Variants in EPHB1 observed in about 807,000 individuals in gnomAD.
EPHB1 encodes the protein ephrin type-B receptor 1.
EPHB1 carries 30 observed loss-of-function variants against 94.4 expected under a neutral mutation model. That is an observed-to-expected ratio of 0.32 (90% CI 0.24 to 0.43). EPHB1 has a LOEUF of 0.43. Ranked by LOEUF, EPHB1 falls within the 20% of genes least tolerant of loss-of-function variation. The pLI, the probability that EPHB1 is intolerant of heterozygous loss-of-function variation, is 1.00. For missense variants in EPHB1, 1,055 were observed against 1,308.3 expected, an observed-to-expected ratio of 0.81 and a Z score of 2.99; for synonymous variants, 522 against 489.1, an observed-to-expected ratio of 1.07 and a Z score of -0.89.
At chr3:134,950,769 C>T (rs897551393) in intron 2 of EPHB1, among the ~76,000 whole-genome samples, 12 of 152,150 alleles carry the variant, frequency 7.9e-5, no homozygotes, top group Non-Finnish European at 1.6e-4. Flanking sequence ...CACATTTCAA[C>T]ATGAGATTCG....
At chr3:135,129,011 T>C (rs1283310845) in intron 4 of EPHB1, among the ~76,000 whole-genome samples, 1 of 152,164 alleles carries the variant, frequency 6.6e-6, no homozygotes. Context: ...TGTCTGTTTC[T>C]GCTCCTTGGA....
intron 4 of EPHB1, among the ~76,000 whole-genome samples, chr3:135,112,330 A>G (rs144960350): frequency 3.2e-4 from 49 of 152,320 alleles, no homozygotes; most frequent in African/African-American, 1.2e-3. Flanking sequence ...ACAGGAATCT[A>G]GTGTTGTAAA....
chr3:134,887,669 T>C (rs193285872), intron 1 of EPHB1, among the ~76,000 whole-genome samples: 2 of 152,194 alleles, frequency 1.3e-5, no homozygotes, highest in Middle Eastern at 3.2e-3. Flanking sequence ...GGAGTGATGA[T>C]AAAGGAAACT....
At chr3:135,102,854 T>C (rs1241330786) in intron 3 of EPHB1, among the ~76,000 whole-genome samples, 1 of 152,206 alleles carries the variant, frequency 6.6e-6, no homozygotes, top group African/African-American at 2.4e-5. Flanking sequence ...GAAACCATCA[T>C]TCTCAGCAAA....
chr3:134,804,852 G>C (rs1325770557), intron 1 of EPHB1, among the ~76,000 whole-genome samples: 1 of 152,190 alleles, frequency 6.6e-6, no homozygotes, highest in Non-Finnish European at 1.5e-5. Context: ...AAATCCCTCA[G>C]CATCCTAGTC....
rs1010407665 is a variant in EPHB1, at chr3:134,977,976, T to C, written c.805+25924T>C. ...TTTTTCTTTCCACAGTGTCCAGGCCTTTTTGGAGGATCCTTAGACAGCAGG... is the reference window on the plus strand; with the variant it reads ...TTTTTCTTTCCACAGTGTCCAGGCCCTTTTGGAGGATCCTTAGACAGCAGG... On this transcript the variant is annotated intron_variant, in intron 3 of 15. Transcript: ENST00000398015. The C allele has an allele frequency of 1.8e-5, 8 of 456,200 alleles. No individual in the cohort carries two copies. In the Admixed American group the frequency reaches 1.9e-4, roughly 11 times the overall value. The allele number at this position is 456,200 out of a possible 1,614,324, so 28.3% of individuals were successfully genotyped here.
At chr3:135,033,339 T>C (rs544903753) in intron 3 of EPHB1, among the ~76,000 whole-genome samples, 2 of 152,206 alleles carry the variant, frequency 1.3e-5, no homozygotes, top group Non-Finnish European at 2.9e-5. Flanking sequence ...TCAGCTCCTC[T>C]TGGGGGTCCA....
At chr3:135,200,890 G>A (rs1269123596) in intron 11 of EPHB1, among the ~76,000 whole-genome samples, 1 of 152,180 alleles carries the variant, frequency 6.6e-6, no homozygotes, top group Non-Finnish European at 1.5e-5. Context: ...GGAAAACAGA[G>A]GGAATAGCAC....
At chr3:134,956,444 C>T (rs1163660949) in intron 3 of EPHB1, among the ~76,000 whole-genome samples, 1 of 152,164 alleles carries the variant, frequency 6.6e-6, no homozygotes, top group Non-Finnish European at 1.5e-5. Flanking sequence ...TCCCTGCCAT[C>T]CTCTCTTGCC....
At chr3:135,001,154 A>G (rs930204486) in intron 3 of EPHB1, among the ~76,000 whole-genome samples, 8 of 152,122 alleles carry the variant, frequency 5.3e-5, no homozygotes, top group African/African-American at 1.9e-4. Flanking sequence ...GACTCACTCC[A>G]TGGCCTCTGT....
intron 13 of EPHB1, 53 bp from the exon 14 acceptor site, chr3:135,248,263 G>A (rs1170390387): frequency 6.8e-7 from 1 of 1,469,380 alleles, no homozygotes; most frequent in Non-Finnish European, 9.1e-7. Flanking sequence ...ATTTGTGAGT[G>A]ACTGGCTGGT....
intron 4 of EPHB1, among the ~76,000 whole-genome samples, chr3:135,107,495 C>T (rs566623716): frequency 1.3e-4 from 20 of 152,186 alleles, no homozygotes; most frequent in Non-Finnish European, 2.2e-4. Flanking sequence ...ATTTGGGAGT[C>T]AGTGCTCCAG....
At chr3:135,028,208 TTG>T (rs1396371222) in intron 3 of EPHB1, among the ~76,000 whole-genome samples, 1 of 142,832 alleles carries the variant, frequency 7.0e-6, no homozygotes, top group Non-Finnish European at 1.5e-5. Context: ...GAAGGGTTTT[TTG>T]TGTCTCTATT....
chr3:134,882,768 T>TTCTTTCTTTCTTTCTTTCTTTC (rs1560280510), intron 1 of EPHB1, among the ~76,000 whole-genome samples: 13 of 44,566 alleles, frequency 2.9e-4, no homozygotes, highest in African/African-American at 8.4e-4. Flanking sequence ...CTTCCTTCCT[T>TTCTTTCTTTCTTTCTTTCTTTC]TCTTTCTTTC....
chr3:135,161,002 C>T (rs1941489669), intron 6 of EPHB1, among the ~76,000 whole-genome samples: 1 of 152,050 alleles, frequency 6.6e-6, no homozygotes, highest in South Asian at 2.1e-4. Flanking sequence ...AGAGTTTTGC[C>T]TTTGTATGAT....
At chr3:135,014,442 C>T (rs1935723409) in intron 3 of EPHB1, among the ~76,000 whole-genome samples, 1 of 152,154 alleles carries the variant, frequency 6.6e-6, no homozygotes, top group African/African-American at 2.4e-5. Context: ...ATCAGAAATC[C>T]TAACTGATAC....
intron 1 of EPHB1, among the ~76,000 whole-genome samples, chr3:134,803,694 G>T (rs2035976256): frequency 6.6e-6 from 1 of 152,160 alleles, no homozygotes; most frequent in Non-Finnish European, 1.5e-5. Flanking sequence ...AGATGAGGTA[G>T]CTGAGGCTTT....
At chr3:134,799,458 G>A (rs1463093202) in intron 1 of EPHB1, among the ~76,000 whole-genome samples, 4 of 152,226 alleles carry the variant, frequency 2.6e-5, no homozygotes, top group African/African-American at 7.2e-5. Flanking sequence ...AAAGTGGAAC[G>A]ATCACCATTA....
rs1023799678 is a variant in EPHB1 at position 135,187,416 on chromosome 3, G to C, written c.1883-5160G>C. 3.3e-5 allele frequency among the ~76,000 whole-genome samples: 5 copies of C among 152,246 alleles called. No homozygotes were observed. In the East Asian group the frequency reaches 9.7e-4, roughly 29 times the overall value. On this transcript the variant is annotated intron_variant, in intron 10 of 15. Transcript: ENST00000398015. ...CCATGATTTGGAGCTCAAGTAAAAC[G>C]AAGCTCTTTAGAGTTCAGATGATGG... is the stretch of plus-strand genomic sequence containing the variant.
Sources: gnomAD v4.1 joint callset for allele counts (sites outside exome capture counted in the v4.1 genomes callset) on GRCh38, gnomAD v4.1.1 for gene constraint, MANE v1.5 for transcripts, NCBI Gene and HGNC (gene_info 2026-07-23, HGNC 2026-07-21) for gene names.